MAP7: variants seen among roughly 807,000 people sequenced by gnomAD.
The protein encoded by MAP7 is microtubule associated protein 7.
A neutral mutation model predicts 94.8 loss-of-function variants in MAP7; 52 were observed. That is an observed-to-expected ratio of 0.55 (90% CI 0.44 to 0.69). The LOEUF (loss-of-function observed/expected upper bound fraction) is 0.69, where lower values mean the gene tolerates loss of function less well. Among genes scored for constraint, MAP7 ranks in the 30% least tolerant of loss-of-function variants. The pLI is 0.00. For synonymous variants in MAP7, 350 were observed against 357.0 expected (o/e 0.98, Z 0.22); for missense variants, 940 against 964.6 (o/e 0.97, Z 0.34).
At chr6:136,401,722 T>C (rs149404478) in intron 3 of MAP7, among the ~76,000 whole-genome samples, 3,491 of 151,718 alleles carry the variant, frequency 0.023, 139 homozygotes, top group African/African-American at 0.079. Flanking sequence ...GTGGCACATG[T>C]ATACATATGT....
intron 1 of MAP7, among the ~76,000 whole-genome samples, chr6:136,477,883 C>A (rs1384106072): frequency 2.6e-5 from 4 of 152,162 alleles, no homozygotes; most frequent in Non-Finnish European, 4.4e-5. Flanking sequence ...ATGGATCATT[C>A]TCAAGGTTGG....
intron 1 of MAP7, among the ~76,000 whole-genome samples, chr6:136,428,555 G>C (rs956916583): frequency 9.3e-5 from 14 of 150,880 alleles, no homozygotes; most frequent in African/African-American, 2.9e-4. Flanking sequence ...ATAAAATAGT[G>C]ACACAATCAA....
At chr6:136,436,805 G>A (rs1192951906) in intron 1 of MAP7, among the ~76,000 whole-genome samples, 1 of 152,196 alleles carries the variant, frequency 6.6e-6, no homozygotes, top group Non-Finnish European at 1.5e-5. Context: ...ACTGAGAGTT[G>A]TATTTCACAC....
chr6:136,449,291 TCAAACAAACAAA>T (rs112759898), intron 1 of MAP7, among the ~76,000 whole-genome samples: 6 of 151,504 alleles, frequency 4.0e-5, no homozygotes, highest in South Asian at 4.2e-4. Flanking sequence ...CAAGACTCCT[TCAAACAAACAAA>T]CAAACAAACA....
At chr6:136,529,481 GCATGTCACATGCA>G (rs1288122922) in intron 1 of MAP7, among the ~76,000 whole-genome samples, 1 of 152,164 alleles carries the variant, frequency 6.6e-6, no homozygotes, top group African/African-American at 2.4e-5. Flanking sequence ...AACTATCCTT[GCATGTCACATGCA>G]GATACAGAGG....
intron 1 of MAP7, among the ~76,000 whole-genome samples, chr6:136,517,427 C>A (rs1029281141): frequency 1.3e-5 from 2 of 152,192 alleles, no homozygotes; most frequent in Non-Finnish European, 2.9e-5. Flanking sequence ...ATTCTCCCAA[C>A]AGAACATGTC....
chr6:136,365,362 A>C (rs1694057106), intron 10 of MAP7, among the ~76,000 whole-genome samples: 1 of 152,204 alleles, frequency 6.6e-6, no homozygotes, highest in African/African-American at 2.4e-5. Context: ...AGAGATATTG[A>C]ACTTCAAGCT....
At chr6:136,355,201 G>A (rs1438312204) in intron 16 of MAP7, among the ~76,000 whole-genome samples, 2 of 151,506 alleles carry the variant, frequency 1.3e-5, no homozygotes, top group East Asian at 3.9e-4. Context: ...AAGAAACTAT[G>A]GTAGGCATTG....
At chr6:136,532,220 A>T (rs999310008) in intron 1 of MAP7, among the ~76,000 whole-genome samples, 2 of 152,220 alleles carry the variant, frequency 1.3e-5, no homozygotes, top group African/African-American at 2.4e-5. Context: ...GAATCGGCAG[A>T]CACCAGCGTG....
In MAP7 at chr6:136,372,541, GGTGGTGTT is replaced by G. The variant is rs1173219591; in HGVS notation, c.828_835del (p.Thr277Ter). On this transcript the variant is annotated frameshift_variant, in exon 8 of 18. Transcript: ENST00000354570. LOFTEE classifies it high-confidence loss of function. Reference sequence around the variant, plus strand: ...GATCCTCCTGCGAGAAGAGCCCTCAGGTGGTGTTACAAAGAGTTTTGGTCGATCCATCG... The same window carrying G: ...GATCCTCCTGCGAGAAGAGCCCTCAGACAAAGAGTTTTGGTCGATCCATCG... 1.2e-6 allele frequency: 2 copies of G among 1,614,100 alleles called. No individual in the cohort carries two copies. The highest frequency in any genetic ancestry group is 1.7e-6 in the Non-Finnish European group (2 of 1,180,042).
At chr6:136,465,945 T>C (rs889860136) in intron 1 of MAP7, among the ~76,000 whole-genome samples, 2 of 152,128 alleles carry the variant, frequency 1.3e-5, no homozygotes, top group African/African-American at 4.8e-5. Context: ...AATAATTTAG[T>C]GAATAAGGCA....
At chr6:136,387,960 T>G (rs909888699) in intron 5 of MAP7, among the ~76,000 whole-genome samples, 6 of 152,160 alleles carry the variant, frequency 3.9e-5, no homozygotes, top group Non-Finnish European at 8.8e-5. Flanking sequence ...TACAGAGCAT[T>G]AGTGTTGCAT....
intron 8 of MAP7, among the ~76,000 whole-genome samples, chr6:136,367,370 G>A (rs1307184616): frequency 2.0e-5 from 3 of 152,332 alleles, no homozygotes; most frequent in Non-Finnish European, 2.9e-5. Context: ...GACTGCAAGC[G>A]TACATGGGAA....
At chr6:136,516,150 T>C (rs932030929) in intron 1 of MAP7, among the ~76,000 whole-genome samples, 1 of 149,974 alleles carries the variant, frequency 6.7e-6, no homozygotes, top group Non-Finnish European at 1.5e-5. Flanking sequence ...GGGGACATCC[T>C]TAGGGAAATG....
intron 1 of MAP7, among the ~76,000 whole-genome samples, chr6:136,495,224 A>C (rs1817829584): frequency 6.6e-6 from 1 of 152,172 alleles, no homozygotes; most frequent in African/African-American, 2.4e-5. Flanking sequence ...ACCTTATTTA[A>C]GTCCATTATC....
intron 7 of MAP7, among the ~76,000 whole-genome samples, chr6:136,376,575 C>T (rs1776236239): frequency 6.6e-6 from 1 of 152,196 alleles, no homozygotes; most frequent in Non-Finnish European, 1.5e-5. Context: ...ACAGAGAACA[C>T]AGAACACTGT....
chr6:136,471,130 A>T (rs1583009058), intron 1 of MAP7, among the ~76,000 whole-genome samples: 1 of 152,238 alleles, frequency 6.6e-6, no homozygotes, highest in Admixed American at 6.5e-5. Context: ...GATTCATTTT[A>T]TAAAGAAGTT....
chr6:136,451,968 G>A (rs543069642), intron 1 of MAP7, among the ~76,000 whole-genome samples: 2 of 152,298 alleles, frequency 1.3e-5, no homozygotes, highest in East Asian at 1.9e-4. Context: ...AGGCTGAGGT[G>A]GGCAGATCAT....
intron 5 of MAP7, among the ~76,000 whole-genome samples, chr6:136,385,812 C>T (rs188113051): frequency 1.9e-4 from 29 of 152,294 alleles, no homozygotes; most frequent in Admixed American, 1.7e-3. Flanking sequence ...ATTCTGCCAG[C>T]CAGGCTGGAG....
Sources: allele counts gnomAD v4.1 joint callset (sites outside exome capture counted in the v4.1 genomes callset), GRCh38; gene constraint gnomAD v4.1.1; transcripts MANE v1.5; gene names NCBI Gene and HGNC (gene_info 2026-07-23, HGNC 2026-07-21).